CSGALNACT1: variants seen among roughly 807,000 people sequenced by gnomAD.
The protein encoded by CSGALNACT1 is beta4GalNAcT-1.
A neutral mutation model predicts 51.0 loss-of-function variants in CSGALNACT1; 52 were observed. The observed-to-expected ratio is 1.02, with a 90% CI of 0.82 to 1.29. The LOEUF is 1.29. CSGALNACT1 is among the 50% of genes most tolerant of loss of function. CSGALNACT1 has a pLI of 0.00. For missense variants in CSGALNACT1, 935 were observed against 679.2 expected, an observed-to-expected ratio of 1.38 and a Z score of -4.19; for synonymous variants, 341 against 254.4, an observed-to-expected ratio of 1.34 and a Z score of -3.24.
chr8:19,583,242 TACA>T (rs1285188446), intron 3 of CSGALNACT1, among the ~76,000 whole-genome samples: 6 of 152,222 alleles, frequency 3.9e-5, no homozygotes, highest in African/African-American at 7.2e-5. Context: ...AAGCCATTGC[TACA>T]ACAATGCTAG....
chr8:19,509,236 C>T (rs1254695472), intron 3 of CSGALNACT1, among the ~76,000 whole-genome samples: 1 of 152,166 alleles, frequency 6.6e-6, no homozygotes, highest in Non-Finnish European at 1.5e-5. Flanking sequence ...GTATCTGCTT[C>T]CTGAAGTCAG....
At chr8:19,656,564 C>T (rs566646525) in intron 1 of CSGALNACT1, among the ~76,000 whole-genome samples, 110 of 150,414 alleles carry the variant, frequency 7.3e-4, no homozygotes, top group African/African-American at 2.5e-3. Context: ...CACACACACA[C>T]AGTGACCAAG....
rs1394972120 is a variant in CSGALNACT1, at chr8:19,630,222, GTGTGTGTGTGTGTGTGTGTGTA to G, written c.-543-28379_-543-28358del. On this transcript the variant is annotated intron_variant, in intron 1 of 9. Transcript: ENST00000332246. The stretch of plus-strand genomic sequence containing the variant: ...TGTGTGTGTGTGTGTGTGTGTGTGT[GTGTGTGTGTGTGTGTGTGTGTA>G]TGTGTGTGTGTTCTAGTAAAATTTT... Among the ~76,000 whole-genome samples the G allele has an allele frequency of 4.6e-3, 668 of 146,710 alleles. 4 individuals are homozygous for G. Among genetic ancestry groups the G allele is most frequent in the African/African-American group, 0.014 (544 of 39,176 alleles).
chr8:19,465,310 A>G (rs994172538), intron 4 of CSGALNACT1, among the ~76,000 whole-genome samples: 1 of 152,194 alleles, frequency 6.6e-6, no homozygotes, highest in African/African-American at 2.4e-5. Context: ...TCAGAGAGAC[A>G]GAGTGTAGAA....
chr8:19,727,697 G>A (rs1040713936), intron 1 of CSGALNACT1, among the ~76,000 whole-genome samples: 2 of 152,138 alleles, frequency 1.3e-5, no homozygotes, highest in African/African-American at 4.8e-5. Flanking sequence ...CATGGTTGAT[G>A]GTTGCCCATC....
intron 1 of CSGALNACT1, among the ~76,000 whole-genome samples, chr8:19,698,603 C>T (rs1402866955): frequency 1.3e-5 from 2 of 152,118 alleles, no homozygotes; most frequent in East Asian, 3.9e-4. Context: ...ACTGATACTG[C>T]TTTAAAACTT....
At chr8:19,750,460 C>T (rs191861973) in intron 1 of CSGALNACT1, among the ~76,000 whole-genome samples, 11 of 152,286 alleles carry the variant, frequency 7.2e-5, no homozygotes, top group Non-Finnish European at 2.9e-5. Flanking sequence ...TGAGAGGAGA[C>T]AGATGAGAAG....
intron 1 of CSGALNACT1, among the ~76,000 whole-genome samples, chr8:19,624,248 G>A (rs761516651): frequency 9.2e-5 from 14 of 151,966 alleles, no homozygotes; most frequent in Non-Finnish European, 1.3e-4. Flanking sequence ...ACTTTCACCT[G>A]GCTAAGAGAC....
rs2054846465 is a variant in CSGALNACT1 at position 19,408,556 on chromosome 8, A to T, written c.1309+57T>A. ...CTTGGAAACCCTACTTGATTCCTTCAAGGCCTACATGGGCCCGTGGCCTCT... is the reference window on the plus strand; with the variant it reads ...CTTGGAAACCCTACTTGATTCCTTCTAGGCCTACATGGGCCCGTGGCCTCT... On this transcript the variant is annotated intron_variant, in intron 9 of 9. Coordinates refer to ENST00000454498, the Ensembl canonical transcript of CSGALNACT1. The T allele has an allele frequency of 4.3e-6, 6 of 1,394,380 alleles. No homozygotes were observed. The South Asian group carries it at 6.9e-5, about 16-fold the overall frequency. The allele number at this position is 1,394,380 out of a possible 1,614,324, so 86.4% of individuals were successfully genotyped here.
chr8:19,443,595 C>T (rs1242955383), intron 5 of CSGALNACT1, among the ~76,000 whole-genome samples: 1 of 152,250 alleles, frequency 6.6e-6, no homozygotes, highest in East Asian at 1.9e-4. Flanking sequence ...TTTATAAAAC[C>T]ATCAGATCTT....
At chr8:19,644,844 C>CA (rs1426614813) in intron 1 of CSGALNACT1, among the ~76,000 whole-genome samples, 1 of 149,084 alleles carries the variant, frequency 6.7e-6, no homozygotes, top group South Asian at 2.1e-4. Flanking sequence ...ACTGCAGATA[C>CA]AAAAAAATCA....
intron 1 of CSGALNACT1, among the ~76,000 whole-genome samples, chr8:19,742,451 T>G (rs2064372717): frequency 6.6e-6 from 1 of 152,236 alleles, no homozygotes; most frequent in Non-Finnish European, 1.5e-5. Flanking sequence ...ATCACTGCCC[T>G]TGCAGGCTGA....
intron 2 of CSGALNACT1, among the ~76,000 whole-genome samples, chr8:19,600,216 G>A (rs2050107670): frequency 6.6e-6 from 1 of 152,042 alleles, no homozygotes; most frequent in Admixed American, 6.5e-5. Context: ...CCTAGTAGCT[G>A]GGTTACAGGT....
intron 3 of CSGALNACT1, among the ~76,000 whole-genome samples, chr8:19,515,581 C>G (rs141384073): frequency 2.0e-5 from 3 of 152,312 alleles, no homozygotes; most frequent in Admixed American, 1.3e-4. Context: ...TAAAAGAATT[C>G]TGATTCAATT....
At chr8:19,405,904 A>T in exon 10 of CSGALNACT1, 1 of 1,613,900 alleles carries the variant, frequency 6.2e-7, no homozygotes, top group Non-Finnish European at 8.5e-7. Flanking sequence ...CTGCATGCAC[A>T]TCTTGTACTG....
At chr8:19,663,906 C>A (rs149434542) in intron 1 of CSGALNACT1, among the ~76,000 whole-genome samples, 6 of 152,326 alleles carry the variant, frequency 3.9e-5, no homozygotes, top group African/African-American at 9.6e-5. Context: ...GTTCAGATGC[C>A]AGACCCTGGC....
intron 6 of CSGALNACT1, among the ~76,000 whole-genome samples, chr8:19,427,060 C>T (rs1191711488): frequency 1.3e-5 from 2 of 152,170 alleles, no homozygotes; most frequent in Non-Finnish European, 2.9e-5. Flanking sequence ...GAATTTAAAG[C>T]TGAACATGTT....
At chr8:19,526,034 T>G (rs2081616703) in intron 3 of CSGALNACT1, among the ~76,000 whole-genome samples, 1 of 152,162 alleles carries the variant, frequency 6.6e-6, no homozygotes, top group Non-Finnish European at 1.5e-5. Flanking sequence ...CCTTTACAAC[T>G]TCCTATAAAT....
chr8:19,614,386 A>G (rs1482199069), intron 1 of CSGALNACT1, among the ~76,000 whole-genome samples: 2 of 152,136 alleles, frequency 1.3e-5, no homozygotes, highest in Admixed American at 1.3e-4. Flanking sequence ...CTCATAACAC[A>G]ATGTTTAAAC....
Sources: gnomAD v4.1 joint callset for allele counts (sites outside exome capture counted in the v4.1 genomes callset) on GRCh38, gnomAD v4.1.1 for gene constraint, MANE v1.5 for transcripts, NCBI Gene and HGNC (gene_info 2026-07-23, HGNC 2026-07-21) for gene names.